Variants in RIMS2 observed in about 807,000 individuals in gnomAD.
RIMS2 encodes the protein regulating synaptic membrane exocytosis 2.
A neutral mutation model predicts 174.4 loss-of-function variants in RIMS2; 59 were observed. That is an observed-to-expected ratio of 0.34 (90% CI 0.27 to 0.42). RIMS2 has a LOEUF of 0.42. RIMS2 is among the 10% of genes least tolerant of loss of function. RIMS2 has a pLI of 1.00. For missense variants in RIMS2, 1,620 were observed against 1,666.3 expected (o/e 0.97, Z 0.48); for synonymous variants, 606 against 572.5 (o/e 1.06, Z -0.84).
At chr8:103,920,921 C>T (rs1474868143) in intron 9 of RIMS2, 3 of 316,950 alleles carry the variant, frequency 9.5e-6, no homozygotes, top group Non-Finnish European at 1.8e-5. Context: ...ATGGCGTGAA[C>T]CCGGGAGGCG....
At chr8:104,152,046 C>A (rs2098693006) in intron 19 of RIMS2, among the ~76,000 whole-genome samples, 1 of 152,100 alleles carries the variant, frequency 6.6e-6, no homozygotes, top group Non-Finnish European at 1.5e-5. Context: ...TCCCATATAT[C>A]TTTCTTTGAT....
At chr8:103,934,063 T>A (rs183141916) in intron 12 of RIMS2, among the ~76,000 whole-genome samples, 1 of 152,282 alleles carries the variant, frequency 6.6e-6, no homozygotes, top group African/African-American at 2.4e-5. Context: ...ACTCTTTTTT[T>A]GTATCTTGAA....
intron 19 of RIMS2, among the ~76,000 whole-genome samples, chr8:104,078,935 G>A (rs1291598024): frequency 3.3e-5 from 5 of 151,766 alleles, no homozygotes; most frequent in Admixed American, 1.3e-4. Flanking sequence ...TATGACTCGC[G>A]TAGCCATAAT....
chr8:104,048,717 A>G (rs566363158), intron 19 of RIMS2, among the ~76,000 whole-genome samples: 70 of 141,804 alleles, frequency 4.9e-4, no homozygotes, highest in Middle Eastern at 3.7e-3. Flanking sequence ...TGACATATAC[A>G]TTAGAAACAC....
intron 1 of RIMS2, among the ~76,000 whole-genome samples, chr8:103,520,485 GTTTT>G (rs1831128089): frequency 6.6e-6 from 1 of 152,076 alleles, no homozygotes; most frequent in Non-Finnish European, 1.5e-5. Context: ...GTAAGAAGAT[GTTTT>G]TTGTTTGTTT....
chr8:103,960,503 A>G, intron 14 of RIMS2, among the ~76,000 whole-genome samples: 1 of 152,268 alleles, frequency 6.6e-6, no homozygotes, highest in East Asian at 1.9e-4. Flanking sequence ...GCTAAACTAC[A>G]TAGTTTTTTT....
At chr8:103,885,809 A>G (rs1565119527) in exon 4 of RIMS2, 1 of 1,613,032 alleles carries the variant, frequency 6.2e-7, no homozygotes, top group East Asian at 2.2e-5. Context: ...TAGAGCTGCC[A>G]TGGAAAATCA....
Position 104,212,489 on chromosome 8 carries a change from AT to A in RIMS2, c.3335-32426del, listed in dbSNP as rs1282255179. ...CTGTGGAATGCTGCTCAGAGGGCAAATAAGATAAGGACCTGAAAGTCCCATT... is the reference window on the plus strand; with the variant it reads ...CTGTGGAATGCTGCTCAGAGGGCAAAAAGATAAGGACCTGAAAGTCCCATT... On this transcript the variant is annotated intron_variant, in intron 19 of 23. Coordinates refer to ENST00000504942, the Ensembl canonical transcript of RIMS2. Among the ~76,000 whole-genome samples, 4 of 152,242 alleles carry A rather than the reference AT, an allele frequency of 2.6e-5. No individual in the cohort carries two copies. In the South Asian group the frequency reaches 8.3e-4, roughly 31 times the overall value.
chr8:103,582,700 G>C (rs144364922), intron 1 of RIMS2, among the ~76,000 whole-genome samples: 353 of 152,220 alleles, frequency 2.3e-3, no homozygotes, highest in African/African-American at 8.2e-3. Flanking sequence ...AGGCTCCTCT[G>C]CCTTTGGAAA....
At chr8:103,988,585 G>A (rs765918902) in intron 16 of RIMS2, among the ~76,000 whole-genome samples, 11 of 152,042 alleles carry the variant, frequency 7.2e-5, no homozygotes, top group Non-Finnish European at 1.3e-4. Context: ...TTGGCCACCC[G>A]AGTAGCTGGG....
intron 1 of RIMS2, among the ~76,000 whole-genome samples, chr8:103,683,053 T>C (rs532322684): frequency 1.1e-3 from 166 of 152,370 alleles, no homozygotes; most frequent in Non-Finnish European, 1.3e-3. Flanking sequence ...ATTATAGTTA[T>C]AGCACAGTTC....
At chr8:103,501,855 G>A (rs1316256921) in intron 1 of RIMS2, among the ~76,000 whole-genome samples, 1 of 152,200 alleles carries the variant, frequency 6.6e-6, no homozygotes, top group Non-Finnish European at 1.5e-5. Flanking sequence ...TCTGAGGGTG[G>A]TAGGAGTGAA....
At chr8:104,161,918 T>A (rs1275060865) in intron 19 of RIMS2, among the ~76,000 whole-genome samples, 1 of 152,214 alleles carries the variant, frequency 6.6e-6, no homozygotes, top group Admixed American at 6.5e-5. Context: ...CAAAGACACA[T>A]TGAATCTTTC....
rs976725901 is a variant in RIMS2, at chr8:103,812,403, G to A, written c.698+45866G>A. On this transcript the variant is annotated intron_variant, in intron 3 of 23. Transcript: ENST00000504942. The stretch of plus-strand genomic sequence containing the variant: ...TCACCCTTGTCCCCCAGGCTTGAGT[G>A]CAATGGCACGATCTTGGCTCACTGT... Among the ~76,000 whole-genome samples the A allele has an allele frequency of 3.6e-5, 5 of 140,680 alleles. No individual in the cohort carries two copies. The Admixed American group carries it at 4.2e-4, about 12-fold the overall frequency. The allele number at this position is 140,680 out of a possible 152,430, so 92.3% of individuals were successfully genotyped here.
chr8:103,714,364 T>G (rs1188778997), intron 2 of RIMS2, among the ~76,000 whole-genome samples: 1 of 152,130 alleles, frequency 6.6e-6, no homozygotes. Flanking sequence ...CAGACAGAAT[T>G]TAATTGTTGT....
chr8:103,653,170 C>A (rs761261432), intron 1 of RIMS2, among the ~76,000 whole-genome samples: 3 of 152,122 alleles, frequency 2.0e-5, no homozygotes, highest in Non-Finnish European at 4.4e-5. Context: ...TTAGAACATA[C>A]ACTGTTTAAT....
intron 1 of RIMS2, among the ~76,000 whole-genome samples, chr8:103,549,664 A>G (rs1587453188): frequency 6.6e-6 from 1 of 152,224 alleles, no homozygotes; most frequent in Non-Finnish European, 1.5e-5. Context: ...CAATTAAAAG[A>G]CACAGACTGG....
chr8:103,890,665 A>AT (rs1195046301), intron 4 of RIMS2, among the ~76,000 whole-genome samples: 1 of 151,080 alleles, frequency 6.6e-6, no homozygotes, highest in Non-Finnish European at 1.5e-5. Context: ...TTGCAAATTG[A>AT]TTTTTTTTCT....
intron 13 of RIMS2, among the ~76,000 whole-genome samples, chr8:103,939,218 T>G (rs2081992524): frequency 6.6e-6 from 1 of 152,196 alleles, no homozygotes; most frequent in Admixed American, 6.5e-5. Flanking sequence ...AGCAACAAAC[T>G]TTTACCTGGA....
Sources: gnomAD v4.1 joint callset for allele counts (sites outside exome capture counted in the v4.1 genomes callset) on GRCh38, gnomAD v4.1.1 for gene constraint, MANE v1.5 for transcripts, NCBI Gene and HGNC (gene_info 2026-07-23, HGNC 2026-07-21) for gene names.